Variants in TECTA observed in about 807,000 individuals in gnomAD.
TECTA encodes the protein tectorin alpha.
Under a neutral mutation model 216.8 loss-of-function variants are expected in TECTA, and 128 were observed. The observed-to-expected ratio is 0.59, with a 90% CI of 0.51 to 0.68. TECTA has a LOEUF of 0.68. Ranked by LOEUF, TECTA falls within the 30% of genes least tolerant of loss-of-function variation. The pLI, the probability that TECTA is intolerant of heterozygous loss-of-function variation, is 0.00. For synonymous variants in TECTA, 1,089 were observed against 1,117.1 expected (o/e 0.97, Z 0.50); for missense variants, 2,551 against 2,786.2 (o/e 0.92, Z 1.90).
Position 121,190,939 on chromosome 11 carries a change from A to G in TECTA, c.*133A>G, listed in dbSNP as rs1216502480. 4 of 716,222 alleles carry G rather than the reference A, an allele frequency of 5.6e-6. No homozygotes were observed. The highest frequency in any genetic ancestry group is 1.8e-5 in the African/African-American group (1 of 56,942). 44.4% of individuals were successfully genotyped at this position (716,222 alleles called of 1,614,324 possible). ...CTCAAAATGATGCCACCTGCCTCCA[A>G]TGGTCCAAGGTCCAGAAACCAGCGA... On this transcript the variant is annotated 3_prime_UTR_variant, in exon 24 of 24. Coordinates refer to ENST00000392793, the MANE Select transcript of TECTA (RefSeq NM_005422.4).
In TECTA at chr11:121,129,698, C is replaced by T. The variant is rs758974282; in HGVS notation, c.2428C>T (p.Arg810Ter). 16 of 1,614,006 alleles carry T rather than the reference C, an allele frequency of 9.9e-6. No individual in the cohort carries two copies. The highest frequency in any genetic ancestry group is 1.1e-5 in the South Asian group (1 of 91,076). Residue 810 changes from arginine (R) to a stop codon, truncating the protein, a stop_gained, in exon 10 of 24, where the codon CGA becomes TGA. Coordinates refer to ENST00000392793, the MANE Select transcript of TECTA (RefSeq NM_005422.4). LOFTEE classifies it high-confidence loss of function. ...FHPSGKLEIY[R>*]NKNSTTVESK... ...TCCTTCGGGGAAGCTGGAAATTTAT[C>T]GAAACAAAAACAGTACGACAGTGGA... is the stretch of plus-strand genomic sequence containing the variant.
Position 121,190,942 on chromosome 11 carries a change from G to T in TECTA, c.*136G>T. 1 of 695,762 alleles carries T rather than the reference G, an allele frequency of 1.4e-6. No homozygotes were observed. 43.1% of individuals were successfully genotyped at this position (695,762 alleles called of 1,614,324 possible). The stretch of plus-strand genomic sequence containing the variant: ...AAAATGATGCCACCTGCCTCCAATG[G>T]TCCAAGGTCCAGAAACCAGCGACCA... On this transcript the variant is annotated 3_prime_UTR_variant, in exon 24 of 24. Coordinates refer to ENST00000392793, the MANE Select transcript of TECTA (RefSeq NM_005422.4).
chr11:121,160,969 C>G (rs1946992957), intron 15 of TECTA, among the ~76,000 whole-genome samples: 1 of 152,202 alleles, frequency 6.6e-6, no homozygotes, highest in Non-Finnish European at 1.5e-5. Flanking sequence ...AGAAGTTATT[C>G]CAAAGGTTTT....
Position 121,189,785 on chromosome 11 carries a change from A to T in TECTA, c.6272A>T (p.Asn2091Ile). The T allele has an allele frequency of 6.2e-7, 1 of 1,614,028 alleles. No homozygotes were observed. Among genetic ancestry groups the T allele is most frequent in the Non-Finnish European group, 8.5e-7 (1 of 1,179,968 alleles). ...GTAGGGCTGGACTGGTGTGAGGACA[A>T]TGGAGGGTGTGAGCAGATTTGCACG... is the stretch of plus-strand genomic sequence containing the variant. ...RRKRLDWCED[N>I]GGCEQICTSR... Residue 2091 changes from asparagine to isoleucine, a missense_variant, in exon 23 of 24, where the codon AAT becomes ATT. Transcript: ENST00000392793.
At chr11:121,102,266 T>C (rs1946352889) in intron 1 of TECTA, among the ~76,000 whole-genome samples, 1 of 152,236 alleles carries the variant, frequency 6.6e-6, no homozygotes, top group South Asian at 2.1e-4. Context: ...CAGGTCTCAC[T>C]GGGGTGTGGT....
intron 20 of TECTA, among the ~76,000 whole-genome samples, chr11:121,184,591 G>T (rs1224025870): frequency 6.6e-6 from 1 of 152,178 alleles, no homozygotes; most frequent in Non-Finnish European, 1.5e-5. Flanking sequence ...GTGGTTCTGG[G>T]AAGACAAACA....
At chr11:121,115,046 A>C (rs1434101452) in intron 6 of TECTA, among the ~76,000 whole-genome samples, 15 of 40,226 alleles carry the variant, frequency 3.7e-4, no homozygotes, top group Admixed American at 5.4e-4. Flanking sequence ...CCCATTCACC[A>C]ACCTATCCAT....
intron 12 of TECTA, 157 bp downstream of exon 12, chr11:121,146,273 A>C: frequency 2.3e-6 from 2 of 863,070 alleles, no homozygotes; most frequent in African/African-American, 1.7e-5. Context: ...GAAGCATGAC[A>C]TGTAACCTCT....
intron 20 of TECTA, among the ~76,000 whole-genome samples, chr11:121,178,983 C>G (rs1434530237): frequency 6.6e-6 from 1 of 151,680 alleles, no homozygotes; most frequent in Admixed American, 6.6e-5. Flanking sequence ...CTCTTTTTTC[C>G]CCTTAAGTTA....
At position 121,190,147 on chromosome 11, in the gene TECTA, A is replaced by C. The variant is rs1439173170; in HGVS notation, c.6367+267A>C. ...ACAAGTTATCCAGCCAATTTTAAGGACCATATATTGGCCTACATCTGGCTG... is the reference window on the plus strand; with the variant it reads ...ACAAGTTATCCAGCCAATTTTAAGGCCCATATATTGGCCTACATCTGGCTG... On this transcript the variant is annotated intron_variant, in intron 23 of 23. Transcript: ENST00000392793. 5 of 452,086 alleles carry C rather than the reference A, an allele frequency of 1.1e-5. No homozygotes were observed. The Admixed American group carries it at 1.7e-4, about 15-fold the overall frequency. 28.0% of individuals were successfully genotyped at this position (452,086 alleles called of 1,614,324 possible).
intron 23 of TECTA, chr11:121,190,120 A>G: frequency 2.0e-6 from 1 of 512,116 alleles, no homozygotes; most frequent in Non-Finnish European, 3.5e-6. Flanking sequence ...TAATTTAAAA[A>G]AACAAGTTAT....
rs906326110 is a variant in TECTA, at chr11:121,153,063, G to A, written c.4288G>A (p.Asp1430Asn). Residue 1430 changes from aspartate (D) to asparagine (N), a missense_variant, in exon 13 of 24, where the codon GAT becomes AAT. Physicochemically the swap from Asp to Asn is conservative, Grantham distance 23 (BLOSUM62 1). This residue lies in a region of TECTA where 2,375 missense variants were observed against 2,563.9 expected (regional missense o/e 0.93). Transcript: ENST00000392793. ...GCCCCACAGCTGCGGCTGCTACTCC[G>A]ATGGCAAATATTACGAGGTATGGGA... is the stretch of plus-strand genomic sequence containing the variant. The part of the protein sequence containing the change: ...ILPHSCGCYS[D>N]GKYYEPKQLF... The A allele has an allele frequency of 6.2e-7, 1 of 1,613,924 alleles. No homozygotes were observed. Among genetic ancestry groups the A allele is most frequent in the Non-Finnish European group, 8.5e-7 (1 of 1,179,930 alleles).
intron 7 of TECTA, 110 bp from the exon 8 acceptor site, chr11:121,125,192 G>T: frequency 1.8e-6 from 2 of 1,129,576 alleles, no homozygotes; most frequent in Non-Finnish European, 1.3e-6. Flanking sequence ...CGTTTAGGTG[G>T]CCATTCTCTC....
At chr11:121,164,932 T>C (rs914068644) in intron 16 of TECTA, among the ~76,000 whole-genome samples, 1 of 152,230 alleles carries the variant, frequency 6.6e-6, no homozygotes, top group Non-Finnish European at 1.5e-5. Flanking sequence ...GGTGCCTTAA[T>C]CATGGTAAGA....
At chr11:121,132,475 G>A (rs542376071) in intron 10 of TECTA, among the ~76,000 whole-genome samples, 2 of 152,268 alleles carry the variant, frequency 1.3e-5, no homozygotes, top group South Asian at 2.1e-4. Flanking sequence ...CGAGTGGAGC[G>A]TAGTGTTGAG....
chr11:121,149,999 T>G (rs1311276153), intron 12 of TECTA, among the ~76,000 whole-genome samples: 1 of 152,210 alleles, frequency 6.6e-6, no homozygotes, highest in East Asian at 1.9e-4. Flanking sequence ...AATAGACCCA[T>G]GTGAAATACT....
intron 10 of TECTA, among the ~76,000 whole-genome samples, chr11:121,133,886 A>G (rs1195725530): frequency 6.6e-6 from 1 of 152,216 alleles, no homozygotes; most frequent in African/African-American, 2.4e-5. Flanking sequence ...CCATGGGGAA[A>G]TACTTTAAGA....
In TECTA at chr11:121,127,741, C is replaced by T; in HGVS notation, c.1775-11C>T. On this transcript the variant is annotated splice_polypyrimidine_tract_variant and intron_variant, in intron 8 of 23. Coordinates refer to ENST00000392793, the MANE Select transcript of TECTA (RefSeq NM_005422.4). The surrounding 1 kb of genome is among the most constrained non-coding windows in gnomAD (Gnocchi z 5.0). Reference sequence around the variant, plus strand: ...ACCTTGTTATCGGCTCTCTTCCTTTCCCCGCGTCAGTGTCCACAGTGCAGT... The same window carrying T: ...ACCTTGTTATCGGCTCTCTTCCTTTTCCCGCGTCAGTGTCCACAGTGCAGT... The T allele has an allele frequency of 1.2e-6, 2 of 1,613,978 alleles. No individual in the cohort carries two copies. The highest frequency in any genetic ancestry group is 8.5e-7 in the Non-Finnish European group (1 of 1,179,882).
intron 13 of TECTA, 76 bp downstream of exon 13, chr11:121,153,156 T>C (rs1946909347): frequency 6.6e-7 from 1 of 1,517,210 alleles, no homozygotes; most frequent in Non-Finnish European, 8.9e-7. Flanking sequence ...GTTGGTCAGA[T>C]TGACCAATTT....
Sources: gnomAD v4.1 joint callset for allele counts (sites outside exome capture counted in the v4.1 genomes callset) on GRCh38, gnomAD v4.1.1 for gene constraint, gnomAD v4.1.1 regional missense constraint, Gnocchi (gnomAD v3.1) non-coding constraint, MANE v1.5 for transcripts, NCBI Gene and HGNC (gene_info 2026-07-23, HGNC 2026-07-21) for gene names.